Variants in APAF1 observed in about 807,000 individuals in gnomAD.
APAF1 encodes the protein apoptotic protease-activating factor 1.
Under a neutral mutation model 152.4 loss-of-function variants are expected in APAF1, and 91 were observed. The observed-to-expected ratio is 0.60, with a 90% CI of 0.50 to 0.71. The LOEUF is 0.71. Among genes scored for constraint, APAF1 ranks in the 30% least tolerant of loss-of-function variants. The pLI is 0.00. For missense variants in APAF1, 1,283 were observed against 1,472.0 expected (o/e 0.87, Z 2.10); for synonymous variants, 484 against 494.1 (o/e 0.98, Z 0.27).
In APAF1 at chr12:98,715,268, A is replaced by G. The variant is rs1342718558; in HGVS notation, c.2959-159A>G. Among the ~76,000 whole-genome samples the G allele has an allele frequency of 1.3e-3, 136 of 106,898 alleles. 2 individuals are homozygous for G. Among genetic ancestry groups the G allele is most frequent in the African/African-American group, 4.4e-3 (133 of 30,430 alleles). The allele number at this position is 106,898 out of a possible 152,430, so 70.1% of individuals were successfully genotyped here. A position where few individuals can be genotyped will look rare whatever the true frequency, so the allele number is the denominator to read the frequency against. On this transcript the variant is annotated intron_variant, in intron 21 of 26. Transcript: ENST00000551964. The stretch of plus-strand genomic sequence containing the variant: ...TATATATATATATATATATATATAT[A>G]TATATATATATATGACATTCATTTG...
chr12:98,708,845 A>G (rs984673049), intron 20 of APAF1, 141 bp downstream of exon 20: 4 of 779,766 alleles, frequency 5.1e-6, no homozygotes, highest in South Asian at 1.8e-5. Context: ...AAATAAATAT[A>G]TATAAGTCTT....
At chr12:98,727,359 A>G in intron 26 of APAF1, 43 bp downstream of exon 26, 1 of 1,605,728 alleles carries the variant, frequency 6.2e-7, no homozygotes, top group Non-Finnish European at 8.5e-7. Flanking sequence ...AATAGCCTAT[A>G]TCATACTTTC....
At chr12:98,656,494 C>T (rs1018962659) in intron 4 of APAF1, among the ~76,000 whole-genome samples, 3 of 152,164 alleles carry the variant, frequency 2.0e-5, no homozygotes, top group Non-Finnish European at 2.9e-5. Context: ...CCTGTCTCTA[C>T]CTCAGTTACT....
chr12:98,726,035 G>C (rs1402343143), intron 25 of APAF1, among the ~76,000 whole-genome samples: 1 of 152,242 alleles, frequency 6.6e-6, no homozygotes, highest in Non-Finnish European at 1.5e-5. Context: ...ACAGTGCAGA[G>C]GTTCACATTT....
At chr12:98,667,702 C>T in intron 10 of APAF1, 58 bp downstream of exon 10, 1 of 1,448,694 alleles carries the variant, frequency 6.9e-7, no homozygotes, top group Non-Finnish European at 9.4e-7. Context: ...ATATGTATTA[C>T]AAATAAGTGC....
Position 98,732,569 on chromosome 12 carries a change from T to C in APAF1, c.*3T>C, listed in dbSNP as rs118102803. ...ATATTTTACAGACTTTAGAATAAAA[T>C]AGTTAAGCATTAATGTAGTTGAACT... On this transcript the variant is annotated 3_prime_UTR_variant, in exon 27 of 27. Coordinates refer to ENST00000551964, the MANE Select transcript of APAF1 (RefSeq NM_181861.2). 4,851 of 1,542,956 alleles carry C rather than the reference T, an allele frequency of 3.1e-3. 14 individuals carry two copies. The highest frequency in any genetic ancestry group is 3.5e-3 in the Admixed American group (210 of 59,374).
intron 14 of APAF1, among the ~76,000 whole-genome samples, chr12:98,681,284 A>C (rs1024985800): frequency 1.3e-5 from 2 of 152,006 alleles, no homozygotes; most frequent in Non-Finnish European, 2.9e-5. Flanking sequence ...CTGGTATTGA[A>C]CTTCTGGCCT....
intron 16 of APAF1, among the ~76,000 whole-genome samples, chr12:98,689,579 C>T (rs996681384): frequency 6.6e-6 from 1 of 152,032 alleles, no homozygotes; most frequent in Non-Finnish European, 1.5e-5. Context: ...CCTGCCTCAA[C>T]CGCCTGAGTA....
At position 98,649,692 on chromosome 12, in the gene APAF1, T is replaced by A. The variant is rs374162552; in HGVS notation, c.526+8T>A. ...ATCATTCCCTTTTAGAAGGTAAGTG[T>A]CTTAGTCCATTTCATAGTCTAGTAA... On this transcript the variant is annotated splice_region_variant and intron_variant, in intron 4 of 26. Transcript: ENST00000551964. 7.1e-5 allele frequency: 115 copies of A among 1,612,272 alleles called. No individual in the cohort carries two copies. Among genetic ancestry groups the A allele is most frequent in the Non-Finnish European group, 9.5e-5 (112 of 1,178,684 alleles).
At chr12:98,691,600 A>T (rs934269113) in intron 16 of APAF1, among the ~76,000 whole-genome samples, 1 of 151,602 alleles carries the variant, frequency 6.6e-6, no homozygotes, top group Non-Finnish European at 1.5e-5. Context: ...TTCAGTTTCA[A>T]TTTTTTTTGT....
chr12:98,647,850 A>G (rs1053720706), intron 1 of APAF1, among the ~76,000 whole-genome samples: 2 of 151,708 alleles, frequency 1.3e-5, no homozygotes, highest in Non-Finnish European at 2.9e-5. Flanking sequence ...ATTCAGAATG[A>G]TGGACATTTA....
chr12:98,653,681 AAAAAAAAAAAATATATATAT>A (rs1359623140), intron 4 of APAF1, among the ~76,000 whole-genome samples: 32 of 54,986 alleles, frequency 5.8e-4, no homozygotes, highest in African/African-American at 2.0e-3. Flanking sequence ...AAAAAAAAAA[AAAAAAAAAAAATATATATAT>A]ATATATATAT....
intron 17 of APAF1, among the ~76,000 whole-genome samples, chr12:98,700,147 G>A (rs1565882834): frequency 6.6e-6 from 1 of 152,092 alleles, no homozygotes; most frequent in Non-Finnish European, 1.5e-5. Flanking sequence ...GGTATTTGTG[G>A]TATTCAGAGT....
chr12:98,702,939 G>A (rs2097717215), intron 17 of APAF1, among the ~76,000 whole-genome samples: 1 of 151,972 alleles, frequency 6.6e-6, no homozygotes, highest in South Asian at 2.1e-4. Context: ...GAGCAATTTG[G>A]TAGTTCTAGA....
intron 5 of APAF1, among the ~76,000 whole-genome samples, chr12:98,661,148 A>G (rs1016308602): frequency 2.6e-5 from 4 of 152,084 alleles, no homozygotes; most frequent in Non-Finnish European, 5.9e-5. Context: ...TGATCTGCCC[A>G]CCTTGGCCTC....
In APAF1 at chr12:98,727,208, G is replaced by A; in HGVS notation, c.3492G>A (p.Leu1164=). The A allele has an allele frequency of 1.2e-6, 2 of 1,614,136 alleles. No homozygotes were observed. The highest frequency in any genetic ancestry group is 1.7e-6 in the Non-Finnish European group (2 of 1,180,000). Residue 1164 remains leucine (L), a synonymous_variant, in exon 26 of 27, where the codon TTG becomes TTA. Transcript: ENST00000551964. Reference sequence around the variant, plus strand: ...TCTCAAACGGTGAGCTTCTTCATTTGTGTGCTCCGCTTTCAGAAGAAGGAG... The same window carrying A: ...TCTCAAACGGTGAGCTTCTTCATTTATGTGCTCCGCTTTCAGAAGAAGGAG... ...WNVSNGELLH[L]CAPLSEEGAA...
intron 15 of APAF1, among the ~76,000 whole-genome samples, chr12:98,684,505 C>T (rs2097695917): frequency 6.8e-6 from 1 of 147,378 alleles, no homozygotes; most frequent in African/African-American, 2.5e-5. Flanking sequence ...TCCTCCTCCC[C>T]CCACCCCCCC....
chr12:98,660,068 A>G (rs2097663070), intron 5 of APAF1, among the ~76,000 whole-genome samples: 1 of 152,090 alleles, frequency 6.6e-6, no homozygotes, highest in Admixed American at 6.5e-5. Flanking sequence ...GGAAGGGGCC[A>G]GGGACAGTGG....
In APAF1 at chr12:98,681,021, A is replaced by G. The variant is rs539587293; in HGVS notation, c.2046+619A>G. ...GGATGAACAAACTAATAATTACGTT[A>G]CTGGTCTAAAAACATAAATAGAGAA... On this transcript the variant is annotated intron_variant, in intron 14 of 26. Transcript: ENST00000551964. Among the ~76,000 whole-genome samples, 14 of 152,354 alleles carry G rather than the reference A, an allele frequency of 9.2e-5. No homozygotes were observed. The East Asian group carries it at 2.7e-3, about 29-fold the overall frequency.
Sources: gnomAD v4.1 joint callset for allele counts (sites outside exome capture counted in the v4.1 genomes callset) on GRCh38, gnomAD v4.1.1 for gene constraint, MANE v1.5 for transcripts, NCBI Gene and HGNC (gene_info 2026-07-23, HGNC 2026-07-21) for gene names.